PTPRZ1: variants seen among roughly 807,000 people sequenced by gnomAD.
PTPRZ1 encodes protein tyrosine phosphatase receptor type Z1.
A neutral mutation model predicts 214.1 loss-of-function variants in PTPRZ1; 82 were observed. The observed-to-expected ratio is 0.38, with a 90% CI of 0.32 to 0.46. PTPRZ1 has a LOEUF of 0.46. PTPRZ1 is among the 20% of genes least tolerant of loss of function. The pLI, the probability that PTPRZ1 is intolerant of heterozygous loss-of-function variation, is 1.00. For missense variants in PTPRZ1, 2,603 were observed against 2,748.7 expected (o/e 0.95, Z 1.19); for synonymous variants, 945 against 987.9 (o/e 0.96, Z 0.81).
At chr7:122,055,901 C>G (rs1562885930) in intron 27 of PTPRZ1, among the ~76,000 whole-genome samples, 1 of 151,836 alleles carries the variant, frequency 6.6e-6, no homozygotes, top group Non-Finnish European at 1.5e-5. Context: ...AGAAGATTCT[C>G]TATCCTCTAG....
Position 122,051,478 on chromosome 7 carries a change from G to A in PTPRZ1, c.6135G>A (p.Lys2045=). 1 of 1,613,580 alleles carries A rather than the reference G, an allele frequency of 6.2e-7. No homozygotes were observed. Among genetic ancestry groups the A allele is most frequent in the Non-Finnish European group, 8.5e-7 (1 of 1,179,698 alleles). Residue 2045 remains lysine, a synonymous_variant, in exon 24 of 30, where the codon AAG becomes AAA. Coordinates refer to ENST00000393386, the MANE Select transcript of PTPRZ1 (RefSeq NM_002851.3). ...AGAGTGACTATTCTGCAGCCCTAAA[G>A]CAATGCAACAGGGAAAAGAATCGAA... ...IQQSDYSAAL[K]QCNREKNRTS...
intron 2 of PTPRZ1, among the ~76,000 whole-genome samples, chr7:121,932,338 A>G (rs894697502): frequency 6.6e-6 from 1 of 152,152 alleles, no homozygotes; most frequent in African/African-American, 2.4e-5. Flanking sequence ...TTTAATTTCT[A>G]TGCTATTTTT....
intron 4 of PTPRZ1, among the ~76,000 whole-genome samples, chr7:121,974,102 A>T (rs548834347): frequency 1.3e-5 from 2 of 152,204 alleles, no homozygotes; most frequent in East Asian, 3.9e-4. Flanking sequence ...ATAATTCAAA[A>T]GTTATTAATA....
intron 23 of PTPRZ1, among the ~76,000 whole-genome samples, chr7:122,045,714 A>ACAC (rs1554369592): frequency 4.6e-5 from 7 of 151,106 alleles, no homozygotes; most frequent in Middle Eastern, 6.8e-3. Context: ...ACACACACAC[A>ACAC]ATATTACCCA....
intron 11 of PTPRZ1, among the ~76,000 whole-genome samples, chr7:122,005,993 A>G (rs555121635): frequency 2.4e-4 from 36 of 152,218 alleles, no homozygotes; most frequent in Admixed American, 6.5e-4. Flanking sequence ...AACTTTTACC[A>G]TAAGCCTACA....
intron 18 of PTPRZ1, 74 bp downstream of exon 18, chr7:122,036,756 C>T: frequency 1.0e-6 from 1 of 955,778 alleles, no homozygotes; most frequent in South Asian, 1.4e-5. Flanking sequence ...GCCATACATG[C>T]ATACATATAC....
At position 122,061,471 on chromosome 7, in the gene PTPRZ1, T is replaced by C. The variant is rs866457705; in HGVS notation, c.*251T>C. 20 of 255,594 alleles carry C rather than the reference T, an allele frequency of 7.8e-5. No individual in the cohort carries two copies. The highest frequency in any genetic ancestry group is 4.4e-4 in the African/African-American group (20 of 45,044). 15.8% of individuals were successfully genotyped at this position (255,594 alleles called of 1,614,324 possible). ...TATTTCTAAGAATGGAATTGTGGTA[T>C]TTTTTTCTGTATTGATTTTAACAGA... is the stretch of plus-strand genomic sequence containing the variant. On this transcript the variant is annotated 3_prime_UTR_variant, in exon 30 of 30. Coordinates refer to ENST00000393386, the MANE Select transcript of PTPRZ1 (RefSeq NM_002851.3).
chr7:121,943,669 A>G (rs1423598892), intron 2 of PTPRZ1, among the ~76,000 whole-genome samples: 1 of 152,154 alleles, frequency 6.6e-6, no homozygotes, highest in African/African-American at 2.4e-5. Context: ...GTGGTTCCTA[A>G]ATTTTAGAGA....
intron 2 of PTPRZ1, among the ~76,000 whole-genome samples, chr7:121,950,823 C>T (rs1450079518): frequency 6.6e-6 from 1 of 152,066 alleles, no homozygotes; most frequent in Non-Finnish European, 1.5e-5. Context: ...TATGTAATAA[C>T]TAATACAACA....
In PTPRZ1 at chr7:122,012,276, A is replaced by G. The variant is rs930919550; in HGVS notation, c.3230A>G (p.Asn1077Ser). ...ESTVMPNMYD[N>S]VNKLNASLQE... ...ACAGTCATGCCCAACATGTATGATAATGTAAATAAGTTGAATGCGTCTTTA... is the reference window on the plus strand; with the variant it reads ...ACAGTCATGCCCAACATGTATGATAGTGTAAATAAGTTGAATGCGTCTTTA... The change falls in exon 12 of 30, where the codon AAT becomes AGT. Residue 1077 changes from asparagine to serine, a missense_variant. This residue lies in a region of PTPRZ1 where 1,913 missense variants were observed against 1,914.3 expected (regional missense o/e 1.00). Coordinates refer to ENST00000393386, the MANE Select transcript of PTPRZ1 (RefSeq NM_002851.3). 4 of 1,614,050 alleles carry G rather than the reference A, an allele frequency of 2.5e-6. No individual in the cohort carries two copies. Among genetic ancestry groups the G allele is most frequent in the African/African-American group, 1.3e-5 (1 of 74,934 alleles).
intron 8 of PTPRZ1, among the ~76,000 whole-genome samples, chr7:121,990,512 CTTTTTTTTT>C (rs758696565): frequency 1.8e-4 from 13 of 73,468 alleles, no homozygotes; most frequent in South Asian, 1.2e-3. Flanking sequence ...TGAAAACTGT[CTTTTTTTTT>C]TTTTTTTTTT....
At chr7:122,048,306 C>A (rs1228575244) in intron 23 of PTPRZ1, among the ~76,000 whole-genome samples, 6 of 151,674 alleles carry the variant, frequency 4.0e-5, no homozygotes, top group African/African-American at 1.5e-4. Flanking sequence ...AATAGACAAA[C>A]CTGTGTCCAG....
intron 11 of PTPRZ1, among the ~76,000 whole-genome samples, chr7:122,009,163 TACTC>T (rs976022220): frequency 7.0e-4 from 106 of 152,186 alleles, no homozygotes; most frequent in African/African-American, 2.2e-3. Context: ...CTTCAGAAGA[TACTC>T]ACGACCAGCC....
At chr7:121,947,666 G>A (rs1796425343) in intron 2 of PTPRZ1, among the ~76,000 whole-genome samples, 2 of 152,290 alleles carry the variant, frequency 1.3e-5, no homozygotes, top group African/African-American at 2.4e-5. Context: ...ATGTCTGCCA[G>A]CGGTTCTAAC....
chr7:122,024,800 C>T (rs1219083659), intron 13 of PTPRZ1, among the ~76,000 whole-genome samples: 1 of 152,104 alleles, frequency 6.6e-6, no homozygotes, highest in African/African-American at 2.4e-5. Flanking sequence ...ACCTCAATGC[C>T]AACATGTTTT....
intron 6 of PTPRZ1, among the ~76,000 whole-genome samples, chr7:121,982,123 A>G (rs1797631997): frequency 6.6e-6 from 1 of 152,196 alleles, no homozygotes; most frequent in African/African-American, 2.4e-5. Context: ...AGGATATTCA[A>G]TTGATATAGC....
At chr7:121,978,532 T>C (rs1324975772) in intron 6 of PTPRZ1, among the ~76,000 whole-genome samples, 1 of 152,132 alleles carries the variant, frequency 6.6e-6, no homozygotes, top group African/African-American at 2.4e-5. Flanking sequence ...GGAACACTTA[T>C]AAAGCCATCA....
chr7:122,019,013 A>G, intron 12 of PTPRZ1, 111 bp from the exon 13 acceptor site: 1 of 1,082,488 alleles, frequency 9.2e-7, no homozygotes, highest in South Asian at 1.8e-5. Context: ...TCAAAGAGTC[A>G]AAATTTTAAA....
Position 122,011,712 on chromosome 7 carries a change from C to G in PTPRZ1, c.2666C>G (p.Thr889Arg), listed in dbSNP as rs766569246. 3 of 1,614,096 alleles carry G rather than the reference C, an allele frequency of 1.9e-6. No individual in the cohort carries two copies. The South Asian group carries it at 3.3e-5, about 18-fold the overall frequency. The change falls in exon 12 of 30, where the codon ACG becomes AGG. Residue 889 changes from threonine (T) to arginine (R), a missense_variant. Physicochemically the swap from Thr to Arg is moderately conservative, Grantham distance 71. Coordinates refer to ENST00000393386, the MANE Select transcript of PTPRZ1 (RefSeq NM_002851.3). Reference sequence around the variant, plus strand: ...TCCACTACTCATGCTGCTTCAGAGACGCTGGAATTTGGTAGTGAATCTGGT... The same window carrying G: ...TCCACTACTCATGCTGCTTCAGAGAGGCTGGAATTTGGTAGTGAATCTGGT... Reference protein sequence around the residue: ...VLSTTHAASETLEFGSESGVL... With the variant: ...VLSTTHAASERLEFGSESGVL...
Sources: gnomAD v4.1 joint callset for allele counts (sites outside exome capture counted in the v4.1 genomes callset) on GRCh38, gnomAD v4.1.1 for gene constraint, gnomAD v4.1.1 regional missense constraint, MANE v1.5 for transcripts, NCBI Gene and HGNC (gene_info 2026-07-23, HGNC 2026-07-21) for gene names.